Variants in ACTR3C observed in about 807,000 individuals in gnomAD.
ACTR3C encodes the protein actin-related protein 3C.
A neutral mutation model predicts 26.3 loss-of-function variants in ACTR3C; 18 were observed. The observed-to-expected ratio is 0.68, with a 90% CI of 0.47 to 1.01. The LOEUF is 1.01. ACTR3C is among the 50% of genes least tolerant of loss of function. The pLI is 0.00. For synonymous variants in ACTR3C, 55 were observed against 94.5 expected, an observed-to-expected ratio of 0.58 and a Z score of 2.42; for missense variants, 184 against 250.7, an observed-to-expected ratio of 0.73 and a Z score of 1.80.
chr7:150,101,097 C>T, the ACTR3C span, among the ~76,000 whole-genome samples: 1 of 151,488 alleles, frequency 6.6e-6, no homozygotes, highest in Non-Finnish European at 1.5e-5. Context: ...AAGGAGTTAT[C>T]CTTCATAGGA....
chr7:150,291,128 G>A (rs1033129083), intron 3 of ACTR3C, among the ~76,000 whole-genome samples: 6 of 152,124 alleles, frequency 3.9e-5, no homozygotes, highest in South Asian at 2.1e-4. Context: ...GTGCACACAC[G>A]TGTCTTAGAA....
At chr7:149,991,824 G>A in the ACTR3C span, among the ~76,000 whole-genome samples, 1 of 152,204 alleles carries the variant, frequency 6.6e-6, no homozygotes, top group Admixed American at 6.5e-5. Flanking sequence ...TTGACCTCCT[G>A]AGCTTAAGCG....
chr7:150,050,335 A>G, the ACTR3C span, among the ~76,000 whole-genome samples: 1 of 152,262 alleles, frequency 6.6e-6, no homozygotes. Context: ...CATACATGAT[A>G]CTTCATAGAT....
At chr7:150,068,204 T>C in the ACTR3C span, among the ~76,000 whole-genome samples, 1 of 152,208 alleles carries the variant, frequency 6.6e-6, no homozygotes, top group Non-Finnish European at 1.5e-5. Flanking sequence ...GGGATTGTCT[T>C]GGACAAGAAG....
chr7:149,884,950 C>G, the ACTR3C span, among the ~76,000 whole-genome samples: 1 of 152,134 alleles, frequency 6.6e-6, no homozygotes, highest in East Asian at 1.9e-4. Flanking sequence ...CTGAAGCCCT[C>G]GAAGACAGGA....
the ACTR3C span, among the ~76,000 whole-genome samples, chr7:150,158,081 G>A: frequency 6.6e-6 from 1 of 152,122 alleles, no homozygotes; most frequent in Non-Finnish European, 1.5e-5. Flanking sequence ...TGCAACAGGT[G>A]TATATTAAGG....
the ACTR3C span, among the ~76,000 whole-genome samples, chr7:150,148,292 C>T: frequency 4.0e-5 from 6 of 151,788 alleles, no homozygotes; most frequent in African/African-American, 1.5e-4. Flanking sequence ...GCCTTGCCAA[C>T]GTGGTGAAAC....
the ACTR3C span, among the ~76,000 whole-genome samples, chr7:150,112,149 C>G: frequency 2.0e-5 from 3 of 150,946 alleles, no homozygotes; most frequent in Non-Finnish European, 4.4e-5. Flanking sequence ...CCAGGAAGCA[C>G]CGCTTGGAGC....
At position 150,299,064 on chromosome 7, in the gene ACTR3C, C is replaced by T. The variant is rs537519801; in HGVS notation, c.-51-3717G>A. The stretch of plus-strand genomic sequence containing the variant: ...AGCCCAATCTCGGATCTCTGGGAGA[C>T]TCCACCTCCCAGAATTCAAGCAATT... On this transcript the variant is annotated intron_variant, in intron 1 of 7. Coordinates refer to ENST00000683684, the MANE Select transcript of ACTR3C (RefSeq NM_001164458.2). Among the ~76,000 whole-genome samples, 3 of 144,524 alleles carry T rather than the reference C, an allele frequency of 2.1e-5. No homozygotes were observed. In the East Asian group the frequency reaches 6.3e-4, roughly 30 times the overall value. 94.8% of individuals were successfully genotyped at this position (144,524 alleles called of 152,430 possible).
At chr7:149,926,593 T>G in the ACTR3C span, among the ~76,000 whole-genome samples, 1 of 152,172 alleles carries the variant, frequency 6.6e-6, no homozygotes. Context: ...CACAGCCTGA[T>G]GCTGGAGGAA....
the ACTR3C span, among the ~76,000 whole-genome samples, chr7:149,964,351 T>A: frequency 2.0e-5 from 3 of 152,218 alleles, no homozygotes; most frequent in African/African-American, 7.2e-5. Flanking sequence ...GAAGAAAGAA[T>A]GGGAAGAGAG....
the ACTR3C span, among the ~76,000 whole-genome samples, chr7:149,983,031 A>T: frequency 6.6e-6 from 1 of 152,184 alleles, no homozygotes; most frequent in Non-Finnish European, 1.5e-5. Context: ...TGGGAAAATA[A>T]CAGTCTCTTC....
chr7:149,987,809 C>T, the ACTR3C span, among the ~76,000 whole-genome samples: 37 of 151,892 alleles, frequency 2.4e-4, no homozygotes, highest in Admixed American at 9.2e-4. Context: ...AAGTTCTAGA[C>T]GTTTTCCTGT....
At chr7:150,149,481 C>G in the ACTR3C span, among the ~76,000 whole-genome samples, 1 of 141,510 alleles carries the variant, frequency 7.1e-6, no homozygotes, top group South Asian at 2.5e-4. Context: ...TCTCCTAATG[C>G]TATCCCTCCC....
At chr7:150,263,368 T>A (rs1833796059) in intron 6 of ACTR3C, among the ~76,000 whole-genome samples, 1 of 152,264 alleles carries the variant, frequency 6.6e-6, no homozygotes, top group Non-Finnish European at 1.5e-5. Context: ...TTCTATTTTA[T>A]CTATACTTCT....
At chr7:150,190,563 C>T in the ACTR3C span, among the ~76,000 whole-genome samples, 27 of 152,110 alleles carry the variant, frequency 1.8e-4, no homozygotes, top group Admixed American at 7.2e-4. Context: ...ATTTTTCATA[C>T]GCATGTCCCG....
At chr7:149,919,922 C>G in the ACTR3C span, among the ~76,000 whole-genome samples, 1 of 120,744 alleles carries the variant, frequency 8.3e-6, no homozygotes, top group Non-Finnish European at 1.7e-5. Flanking sequence ...GTGGTATCTC[C>G]CACTCCCCAG....
At chr7:150,220,502 GAGA>G in the ACTR3C span, among the ~76,000 whole-genome samples, 1 of 150,396 alleles carries the variant, frequency 6.6e-6, no homozygotes, top group Admixed American at 6.6e-5. Context: ...CCCAGAGCTG[GAGA>G]AGGAGAAGCA....
At chr7:150,144,310 A>T in the ACTR3C span, among the ~76,000 whole-genome samples, 1 of 152,210 alleles carries the variant, frequency 6.6e-6, no homozygotes, top group Non-Finnish European at 1.5e-5. This position sits in a 1 kb window ranked among gnomAD's most constrained non-coding sequence, Gnocchi z 4.6. Flanking sequence ...TACTGTTAAG[A>T]TTGTCTTAAG....
Sources: gnomAD v4.1 joint callset for allele counts (sites outside exome capture counted in the v4.1 genomes callset) on GRCh38, gnomAD v4.1.1 for gene constraint, Gnocchi (gnomAD v3.1) non-coding constraint, MANE v1.5 for transcripts, NCBI Gene and HGNC (gene_info 2026-07-23, HGNC 2026-07-21) for gene names.